Variants in BIN2 observed in about 807,000 individuals in gnomAD.
BIN2 encodes the protein bridging integrator 2.
Under a neutral mutation model 67.9 loss-of-function variants are expected in BIN2, and 43 were observed. The ratio of observed to expected loss-of-function variants is 0.63; its 90% CI spans 0.50 to 0.82. BIN2 has a LOEUF of 0.82. Ranked by LOEUF, BIN2 falls within the 40% of genes least tolerant of loss-of-function variation. The pLI is 0.00. For missense variants in BIN2, 581 were observed against 671.6 expected (o/e 0.87, Z 1.49); for synonymous variants, 244 against 246.8 (o/e 0.99, Z 0.11).
chr12:51,287,901 T>C (rs1171176879), intron 11 of BIN2, among the ~76,000 whole-genome samples: 3 of 152,154 alleles, frequency 2.0e-5, no homozygotes, highest in Non-Finnish European at 4.4e-5. Flanking sequence ...TCCGCCCGCC[T>C]CTGCCTCCCA....
chr12:51,295,553 A>G, intron 9 of BIN2, among the ~76,000 whole-genome samples: 1 of 93,058 alleles, frequency 1.1e-5, no homozygotes, highest in Non-Finnish European at 2.1e-5. Flanking sequence ...ACAGAGTGAG[A>G]CTCCGTCTCA....
chr12:51,322,910 G>A (rs1946323884), intron 1 of BIN2: 1 of 152,160 alleles, frequency 6.6e-6, no homozygotes, highest in Admixed American at 6.6e-5. Context: ...GTTTTCTGCT[G>A]ATAAATCAAC....
intron 11 of BIN2, among the ~76,000 whole-genome samples, chr12:51,287,512 T>C (rs1592249213): frequency 6.6e-6 from 1 of 151,880 alleles, no homozygotes; most frequent in African/African-American, 2.4e-5. Flanking sequence ...TTTGTATTTT[T>C]AGTAGAAATG....
chr12:51,316,439 T>A (rs930524408), intron 1 of BIN2, among the ~76,000 whole-genome samples: 3 of 151,858 alleles, frequency 2.0e-5, no homozygotes, highest in African/African-American at 7.3e-5. Context: ...GAGGTTGCAG[T>A]GAGCCAAGAT....
intron 4 of BIN2, 40 bp from the exon 5 acceptor site, chr12:51,302,155 CCAA>C (rs755819309): frequency 2.1e-5 from 30 of 1,446,906 alleles, no homozygotes; most frequent in African/African-American, 2.8e-5. Flanking sequence ...GCTCCACTTC[CCAA>C]CAACAACTGC....
intron 10 of BIN2, among the ~76,000 whole-genome samples, chr12:51,288,788 G>A (rs970080295): frequency 1.4e-5 from 2 of 146,454 alleles, no homozygotes; most frequent in African/African-American, 5.1e-5. Flanking sequence ...TTGCTCTGTT[G>A]CCAGGCTGGA....
intron 11 of BIN2, among the ~76,000 whole-genome samples, chr12:51,286,846 T>C (rs1490799609): frequency 6.6e-6 from 1 of 152,152 alleles, no homozygotes; most frequent in African/African-American, 2.4e-5. Flanking sequence ...TTTTTTGAGA[T>C]GGGGTCTCAC....
At chr12:51,296,281 G>A (rs915100516) in intron 8 of BIN2, among the ~76,000 whole-genome samples, 2 of 152,008 alleles carry the variant, frequency 1.3e-5, no homozygotes, top group African/African-American at 4.8e-5. Context: ...CGGATCACGA[G>A]GTCAGGAGAT....
In BIN2 at chr12:51,324,054, C is replaced by T. The variant is rs1247356518; in HGVS notation, c.49G>A (p.Val17Met). Reference protein sequence around the residue: ...GGAAGLFAKQVQKKFSRAQEK... With the variant: ...GGAAGLFAKQMQKKFSRAQEK... ...TGGGCCCTGCTAAACTTCTTCTGCA[C>T]CTGCTTGGCGAAGAGGCCGGCCGCG... Residue 17 changes from valine (V) to methionine (M), a missense_variant, in exon 1 of 13, where the codon GTG (valine) becomes ATG (methionine). By Grantham distance (21) the Val-to-Met change is conservative. Coordinates refer to ENST00000615107, the MANE Select transcript of BIN2 (RefSeq NM_016293.4). 1 of 1,613,512 alleles carries T rather than the reference C, an allele frequency of 6.2e-7. No individual in the cohort carries two copies. Among genetic ancestry groups the T allele is most frequent in the East Asian group, 2.2e-5 (1 of 44,844 alleles).
At chr12:51,316,123 T>A (rs1301015771) in intron 1 of BIN2, among the ~76,000 whole-genome samples, 1 of 152,160 alleles carries the variant, frequency 6.6e-6, no homozygotes, top group East Asian at 1.9e-4. Context: ...CCTGCTGCAA[T>A]AGGTCTACTA....
At chr12:51,314,892 G>A (rs974671344) in intron 1 of BIN2, among the ~76,000 whole-genome samples, 8 of 151,856 alleles carry the variant, frequency 5.3e-5, no homozygotes, top group African/African-American at 1.7e-4. Context: ...TTGCTCTGTT[G>A]CCCTGGCTGT....
At chr12:51,319,506 A>G (rs1395873679) in intron 1 of BIN2, among the ~76,000 whole-genome samples, 4 of 152,220 alleles carry the variant, frequency 2.6e-5, no homozygotes, top group African/African-American at 9.6e-5. Context: ...AATAAATTCT[A>G]CTTTTGGATC....
intron 10 of BIN2, among the ~76,000 whole-genome samples, chr12:51,289,870 T>C (rs1254970504): frequency 6.6e-6 from 1 of 151,802 alleles, no homozygotes; most frequent in Non-Finnish European, 1.5e-5. Context: ...TCCTTTTTGC[T>C]TTACTTCCCT....
intron 1 of BIN2, among the ~76,000 whole-genome samples, chr12:51,316,670 G>T (rs1177226681): frequency 6.6e-6 from 1 of 152,000 alleles, no homozygotes; most frequent in Non-Finnish European, 1.5e-5. Flanking sequence ...GCTTGTCATA[G>T]ATGCTGGTCC....
At chr12:51,293,410 T>C (rs540450914) in intron 9 of BIN2, among the ~76,000 whole-genome samples, 2 of 152,258 alleles carry the variant, frequency 1.3e-5, no homozygotes, top group Non-Finnish European at 2.9e-5. Flanking sequence ...CCCGGGTTCA[T>C]GCCATTCTCC....
rs1945667358 is a variant in BIN2 at position 51,299,646 on chromosome 12, C to T, written c.477G>A (p.Val159=). 2 of 1,614,016 alleles carry T rather than the reference C, an allele frequency of 1.2e-6. No homozygotes were observed. Among genetic ancestry groups the T allele is most frequent in the East Asian group, 2.2e-5 (1 of 44,898 alleles). ...YDSARHHLEA[V]QNAKKKDEAK... Reference sequence around the variant, plus strand: ...CCTCATCTTTCTTCTTGGCATTCTGCACTGCCTCCAGGTGGTGTCGGGCAC... The same window carrying T: ...CCTCATCTTTCTTCTTGGCATTCTGTACTGCCTCCAGGTGGTGTCGGGCAC... Residue 159 remains valine (V), a synonymous_variant, in exon 6 of 13, where the codon GTG becomes GTA. Transcript: ENST00000615107.
At chr12:51,315,146 G>T (rs2137434737) in intron 1 of BIN2, among the ~76,000 whole-genome samples, 1 of 151,968 alleles carries the variant, frequency 6.6e-6, no homozygotes, top group South Asian at 2.1e-4. Context: ...GAGCCATTAG[G>T]CTGGCTGGCA....
rs1457435920 is a variant in BIN2 at position 51,292,085 on chromosome 12, T to C, written c.1021A>G (p.Asn341Asp). ...GAGGGCTGGGCCTGGGCGGGGCCATTGCAGGCTGGTAGAGGCTCATCTTCC... is the reference window on the plus strand; with the variant it reads ...GAGGGCTGGGCCTGGGCGGGGCCATCGCAGGCTGGTAGAGGCTCATCTTCC... ...SEEDEPLPAC[N>D]GPAQAQPSPT... The change falls in exon 10 of 13, where the codon AAT becomes GAT. Residue 341 changes from asparagine to aspartate, a missense_variant. Coordinates refer to ENST00000615107, the MANE Select transcript of BIN2 (RefSeq NM_016293.4). 1 of 1,614,034 alleles carries C rather than the reference T, an allele frequency of 6.2e-7. No individual in the cohort carries two copies. The highest frequency in any genetic ancestry group is 8.5e-7 in the Non-Finnish European group (1 of 1,180,032).
intron 10 of BIN2, among the ~76,000 whole-genome samples, 182 bp from the exon 11 acceptor site, chr12:51,288,370 C>T (rs1258671096): frequency 6.6e-6 from 1 of 152,190 alleles, no homozygotes; most frequent in Admixed American, 6.6e-5. Flanking sequence ...TCACACACTT[C>T]TCCCGGATAT....
Sources: gnomAD v4.1 joint callset for allele counts (sites outside exome capture counted in the v4.1 genomes callset) on GRCh38, gnomAD v4.1.1 for gene constraint, MANE v1.5 for transcripts, NCBI Gene and HGNC (gene_info 2026-07-23, HGNC 2026-07-21) for gene names.